Variants in IL17B observed in about 807,000 individuals in gnomAD.
IL17B encodes interleukin 17B, also known as interleukin-17B.
Under a neutral mutation model 14.7 loss-of-function variants are expected in IL17B, and 14 were observed. That is an observed-to-expected ratio of 0.95 (90% CI 0.63 to 1.49). The LOEUF (loss-of-function observed/expected upper bound fraction) is 1.49, where lower values mean the gene tolerates loss of function less well. Ranked by LOEUF, IL17B falls within the 40% of genes most tolerant of loss-of-function variation. The pLI, the probability that IL17B is intolerant of heterozygous loss-of-function variation, is 0.00. For synonymous variants in IL17B, 105 were observed against 94.8 expected (o/e 1.11, Z -0.62); for missense variants, 233 against 252.8 (o/e 0.92, Z 0.53).
At chr5:149,387,747 G>A (rs1365667754) in intron 1 of IL17B, among the ~76,000 whole-genome samples, 2 of 137,484 alleles carry the variant, frequency 1.5e-5, no homozygotes, top group Non-Finnish European at 3.0e-5. Flanking sequence ...CAGCACTCCA[G>A]CCTGGGTGAC....
chr5:149,401,287 G>A (rs188211995), intron 1 of IL17B, among the ~76,000 whole-genome samples: 109 of 152,308 alleles, frequency 7.2e-4, no homozygotes, highest in Admixed American at 1.2e-3. Context: ...CCTGCACATG[G>A]ACCCTGACTG....
chr5:149,381,865 G>A (rs1169610727), upstream of IL17B, among the ~76,000 whole-genome samples: 2 of 152,200 alleles, frequency 1.3e-5, no homozygotes, highest in Non-Finnish European at 2.9e-5. Context: ...GGGAGGTGCA[G>A]GAACTGGGCT....
chr5:149,388,852 A>G (rs1273880797), intron 1 of IL17B, among the ~76,000 whole-genome samples: 1 of 152,264 alleles, frequency 6.6e-6, no homozygotes, highest in African/African-American at 2.4e-5. Flanking sequence ...GTCAAAAATC[A>G]GGTTCTGGAG....
At chr5:149,395,032 A>C (rs950040696) in intron 1 of IL17B, among the ~76,000 whole-genome samples, 48 of 152,254 alleles carry the variant, frequency 3.2e-4, no homozygotes, top group Middle Eastern at 6.8e-3. Flanking sequence ...TCCCTCAGGC[A>C]GGCCCCAGTA....
At chr5:149,383,727 G>A (rs1166110816), upstream of IL17B, among the ~76,000 whole-genome samples, 1 of 152,260 alleles carries the variant, frequency 6.6e-6, no homozygotes, top group African/African-American at 2.4e-5. Flanking sequence ...AAAAGGGAAA[G>A]GCCTGGGTGA....
upstream of IL17B, among the ~76,000 whole-genome samples, chr5:149,383,318 C>T (rs370933506): frequency 2.8e-4 from 42 of 152,196 alleles, no homozygotes; most frequent in Non-Finnish European, 5.4e-4. Flanking sequence ...AAGGGCATTA[C>T]GAAGTGGGGA....
intron 1 of IL17B, among the ~76,000 whole-genome samples, chr5:149,377,476 GC>G (rs1219960319): frequency 9.9e-5 from 15 of 152,212 alleles, no homozygotes; most frequent in African/African-American, 3.6e-4. Flanking sequence ...CTCCGTGGGG[GC>G]ACGTGTCAGT....
intron 1 of IL17B, among the ~76,000 whole-genome samples, chr5:149,391,154 T>C (rs1170571684): frequency 4.6e-5 from 7 of 152,132 alleles, no homozygotes; most frequent in African/African-American, 1.4e-4. Context: ...TTTGTAGAGA[T>C]GGGATTTTAC....
At chr5:149,402,689 TAAAAAAAAAA>T (rs370816490) in intron 1 of IL17B, among the ~76,000 whole-genome samples, 1 of 139,186 alleles carries the variant, frequency 7.2e-6, no homozygotes, top group Non-Finnish European at 1.5e-5. Flanking sequence ...ACCATGCTTT[TAAAAAAAAAA>T]AAAAAAAAAG....
intron 1 of IL17B, among the ~76,000 whole-genome samples, chr5:149,389,852 A>C (rs1758902195): frequency 1.3e-5 from 2 of 152,094 alleles, no homozygotes; most frequent in Admixed American, 1.3e-4. Flanking sequence ...TAATTATAGG[A>C]TTTGTTTAAC....
chr5:149,375,839 A>G (rs912712552), intron 2 of IL17B, among the ~76,000 whole-genome samples: 7 of 152,216 alleles, frequency 4.6e-5, no homozygotes, highest in Non-Finnish European at 8.8e-5. Context: ...AGACCATGCC[A>G]CTGTACTCCA....
chr5:149,402,094 C>T (rs1759215375), intron 1 of IL17B, among the ~76,000 whole-genome samples: 1 of 152,230 alleles, frequency 6.6e-6, no homozygotes, highest in Non-Finnish European at 1.5e-5. Flanking sequence ...TCACTGCCTC[C>T]CTCTTACACA....
chr5:149,385,401 C>T (rs1758804728), intron 1 of IL17B, among the ~76,000 whole-genome samples: 1 of 152,192 alleles, frequency 6.6e-6, no homozygotes, highest in African/African-American at 2.4e-5. Flanking sequence ...GCCTCAGCCT[C>T]CCAAAGTGCT....
At position 149,385,224 on chromosome 5, in the gene IL17B, G is replaced by A. The variant is rs7733017; in HGVS notation, n.96-8199C>T. On this transcript the variant is annotated intron_variant and non_coding_transcript_variant, in intron 1 of 2. Coordinates refer to the IL17B transcript ENST00000505432. ...TACAAAATTAGCCGGACGTGGTGGC[G>A]CATGCCTGTAATCCCAGCTACTCAG... Among the ~76,000 whole-genome samples, 412 of 151,766 alleles carry A rather than the reference G, an allele frequency of 2.7e-3. 1 individual carries two copies. The highest frequency in any genetic ancestry group is 9.6e-3 in the African/African-American group (396 of 41,446).
intron 1 of IL17B, among the ~76,000 whole-genome samples, chr5:149,403,227 G>C (rs1268121018): frequency 6.6e-6 from 1 of 151,920 alleles, no homozygotes; most frequent in Non-Finnish European, 1.5e-5. Context: ...TGGGATTACA[G>C]GCACAGTCCA....
At chr5:149,390,283 C>G in intron 1 of IL17B, among the ~76,000 whole-genome samples, 1 of 151,294 alleles carries the variant, frequency 6.6e-6, no homozygotes, top group Non-Finnish European at 1.5e-5. Context: ...TTGTCCGTCA[C>G]TATAGTTAAG....
intron 1 of IL17B, among the ~76,000 whole-genome samples, chr5:149,395,391 G>A (rs1433240033): frequency 6.6e-6 from 1 of 152,098 alleles, no homozygotes. Flanking sequence ...CCCATCTTCT[G>A]TGCCATGTTT....
At chr5:149,392,073 A>G (rs139536411) in intron 1 of IL17B, among the ~76,000 whole-genome samples, 224 of 152,240 alleles carry the variant, frequency 1.5e-3, no homozygotes, top group South Asian at 7.7e-3. Context: ...AATGGTTACA[A>G]CCTCCATGAG....
chr5:149,376,619 A>C, intron 2 of IL17B, 117 bp downstream of exon 2: 5 of 1,283,694 alleles, frequency 3.9e-6, no homozygotes, highest in Non-Finnish European at 5.3e-6. Context: ...AGGCAGAGCT[A>C]GGGTTCGAAC....
Sources: allele counts gnomAD v4.1 joint callset (sites outside exome capture counted in the v4.1 genomes callset), GRCh38; gene constraint gnomAD v4.1.1; transcripts MANE v1.5; gene names NCBI Gene and HGNC (gene_info 2026-07-23, HGNC 2026-07-21).